Variants in KLHL13 observed in about 807,000 individuals in gnomAD.
The protein encoded by KLHL13 is kelch-like protein 13.
KLHL13 carries 10 observed loss-of-function variants against 37.1 expected under a neutral mutation model. The observed-to-expected ratio is 0.27, with a 90% confidence interval of 0.17 to 0.46. KLHL13 has a LOEUF of 0.46. Among genes scored for constraint, KLHL13 ranks in the 20% least tolerant of loss-of-function variants. KLHL13 has a pLI of 1.00. For synonymous variants in KLHL13, 163 were observed against 181.2 expected (o/e 0.90, Z 0.81); for missense variants, 360 against 509.3 (o/e 0.71, Z 2.82).
chrX:117,978,098 G>T (rs1382528024), upstream of KLHL13, among the ~76,000 whole-genome samples: 1 of 112,238 alleles, frequency 8.9e-6, no homozygotes, highest in East Asian at 2.8e-4. Flanking sequence ...TTTTACATTA[G>T]AAATTTCTTT....
At chrX:117,970,579 C>T (rs935807818) in intron 1 of KLHL13, among the ~76,000 whole-genome samples, 4 of 111,346 alleles carry the variant, frequency 3.6e-5, no homozygotes, top group Non-Finnish European at 7.6e-5. Flanking sequence ...TTATGCTATA[C>T]TTAAGTATCA....
At chrX:117,978,951 G>A (rs1164582354) in intron 1 of KLHL13, among the ~76,000 whole-genome samples, 1 of 110,230 alleles carries the variant, frequency 9.1e-6, no homozygotes, top group Non-Finnish European at 1.9e-5. Flanking sequence ...TTATTTTTGA[G>A]ACAGAGTCTC....
rs138849917 is a variant in KLHL13 at position 118,078,368 on chromosome X, T to C, written c.-56+38140A>G. ...TTACAACCATAATCAAGATACAGCATAGAACAATTCCATCACTGTCCAAAT... is the reference window on the plus strand; with the variant it reads ...TTACAACCATAATCAAGATACAGCACAGAACAATTCCATCACTGTCCAAAT... On this transcript the variant is annotated intron_variant, in intron 1 of 6. Transcript: ENST00000371882. Among the ~76,000 whole-genome samples, 1,027 of 111,689 alleles carry C rather than the reference T, an allele frequency of 9.2e-3. 13 individuals carry two copies. Among genetic ancestry groups the C allele is most frequent in the African/African-American group, 0.031 (968 of 30,869 alleles).
At chrX:118,081,030 T>C (rs2054986511) in intron 1 of KLHL13, among the ~76,000 whole-genome samples, 1 of 111,646 alleles carries the variant, frequency 9.0e-6, no homozygotes, top group African/African-American at 3.3e-5. Context: ...AAATGCTGCA[T>C]ATTGTTACTT....
At chrX:118,016,970 C>T (rs1330184779) in intron 1 of KLHL13, among the ~76,000 whole-genome samples, 1 of 111,656 alleles carries the variant, frequency 9.0e-6, no homozygotes, top group African/African-American at 3.3e-5. Flanking sequence ...ATTCCCACTG[C>T]CATCACCTTT....
At chrX:117,917,050 TA>T (rs1219612204) in intron 4 of KLHL13, among the ~76,000 whole-genome samples, 1 of 110,800 alleles carries the variant, frequency 9.0e-6, no homozygotes, top group East Asian at 2.8e-4. Flanking sequence ...AAAGGGGAAA[TA>T]AATAGAGCAA....
chrX:118,081,359 A>T (rs1479071460), intron 1 of KLHL13, among the ~76,000 whole-genome samples: 1 of 111,895 alleles, frequency 8.9e-6, no homozygotes, highest in Non-Finnish European at 1.9e-5. Flanking sequence ...AGTTAAACTC[A>T]CTCATCATGG....
chrX:117,916,683 G>A lies in KLHL13; in HGVS notation c.570+2838C>T, dbSNP rs184654973. On this transcript the variant is annotated intron_variant, in intron 4 of 6. Transcript: ENST00000262820. The stretch of plus-strand genomic sequence containing the variant: ...CCACTGTTACTGATTCACACTTTAC[G>A]TACCACTGTTCTTCTTCCTCCACAC... 1.9e-3 allele frequency among the ~76,000 whole-genome samples: 209 copies of A among 111,884 alleles called. 2 individuals carry two copies. Among genetic ancestry groups the A allele is most frequent in the African/African-American group, 5.3e-3 (164 of 30,878 alleles).
rs2158018 is a variant in KLHL13, at chrX:118,105,941, G to A, written c.-56+10567C>T. ...TTTTGAGATGGAGTCTCGCTCTGTC[G>A]CCCAGGCTGGAGTGCAGTAGCGCGA... On this transcript the variant is annotated intron_variant, in intron 1 of 6. Transcript: ENST00000371882. Among the ~76,000 whole-genome samples the A allele has an allele frequency of 1.0e-3, 84 of 80,413 alleles. 1 individual carries two copies. In the East Asian group the frequency reaches 0.019, roughly 18 times the overall value. 69.8% of individuals were successfully genotyped at this position (80,413 alleles called of 115,157 possible).
chrX:118,032,775 A>C (rs1026129977), intron 1 of KLHL13, among the ~76,000 whole-genome samples: 1 of 112,282 alleles, frequency 8.9e-6, no homozygotes, highest in Non-Finnish European at 1.9e-5. Flanking sequence ...AGAAGGCTTC[A>C]GACGGTCAAA....
chrX:118,099,265 A>AG (rs1392966521), intron 1 of KLHL13, among the ~76,000 whole-genome samples: 2 of 111,644 alleles, frequency 1.8e-5, no homozygotes, highest in African/African-American at 6.5e-5. Flanking sequence ...ATACTTTTGA[A>AG]GGTTTCCCAA....
chrX:117,914,024 A>T (rs1213178653), intron 4 of KLHL13, among the ~76,000 whole-genome samples: 3 of 110,667 alleles, frequency 2.7e-5, no homozygotes, highest in Non-Finnish European at 3.8e-5. Context: ...CACTTCCAAC[A>T]TCATAATATT....
intron 1 of KLHL13, among the ~76,000 whole-genome samples, chrX:118,026,335 A>T (rs181139104): frequency 1.3e-3 from 151 of 112,151 alleles, no homozygotes; most frequent in Admixed American, 3.5e-3. Context: ...TTTGAAAAAA[A>T]CTATGCATGG....
intron 1 of KLHL13, among the ~76,000 whole-genome samples, chrX:118,082,401 T>C (rs1225265007): frequency 8.9e-6 from 1 of 111,818 alleles, no homozygotes; most frequent in East Asian, 2.8e-4. Context: ...GCCATTTTTA[T>C]ATCTTATTTT....
At chrX:117,964,571 G>C (rs1050415148) in intron 1 of KLHL13, among the ~76,000 whole-genome samples, 6 of 110,770 alleles carry the variant, frequency 5.4e-5, no homozygotes, top group Non-Finnish European at 1.1e-4. Flanking sequence ...AATATACAAG[G>C]TGATTGAAAA....
intron 1 of KLHL13, among the ~76,000 whole-genome samples, chrX:118,012,730 A>C (rs2054084600): frequency 9.1e-6 from 1 of 109,318 alleles, no homozygotes; most frequent in African/African-American, 3.4e-5. Flanking sequence ...AGTATTTGTC[A>C]GATTTCTTCA....
chrX:118,026,663 G>A (rs2054277728), intron 1 of KLHL13, among the ~76,000 whole-genome samples: 1 of 111,895 alleles, frequency 8.9e-6, no homozygotes, highest in Non-Finnish European at 1.9e-5. Context: ...AGCAGCAGAT[G>A]ATCCAAATGA....
At chrX:117,996,821 T>C (rs2053859599) in intron 1 of KLHL13, among the ~76,000 whole-genome samples, 1 of 97,947 alleles carries the variant, frequency 1.0e-5, no homozygotes, top group Admixed American at 1.1e-4. Context: ...GATCAAATCA[T>C]AGCCTATTTA....
At chrX:117,909,046 A>G (rs1223521823) in intron 5 of KLHL13, among the ~76,000 whole-genome samples, 2 of 112,174 alleles carry the variant, frequency 1.8e-5, no homozygotes, top group African/African-American at 3.2e-5. Context: ...CTTCAAGATG[A>G]AGACCATATA....
Sources: allele counts gnomAD v4.1 joint callset (sites outside exome capture counted in the v4.1 genomes callset), GRCh38; gene constraint gnomAD v4.1.1; transcripts MANE v1.5; gene names NCBI Gene and HGNC (gene_info 2026-07-23, HGNC 2026-07-21).